KANSL1L: variants seen among roughly 807,000 people sequenced by gnomAD.
The protein encoded by KANSL1L is KAT8 regulatory NSL complex subunit 1-like protein.
A neutral mutation model predicts 108.6 loss-of-function variants in KANSL1L; 25 were observed. The observed-to-expected ratio is 0.23, with a 90% CI of 0.17 to 0.32. The LOEUF is 0.32. KANSL1L is among the 10% of genes least tolerant of loss of function. KANSL1L has a pLI of 1.00. For synonymous variants in KANSL1L, 405 were observed against 395.1 expected, an observed-to-expected ratio of 1.03 and a Z score of -0.30; for missense variants, 1,137 against 1,125.7, an observed-to-expected ratio of 1.01 and a Z score of -0.14.
chr2:210,119,852 A>G (rs2094997281), intron 3 of KANSL1L, among the ~76,000 whole-genome samples: 1 of 152,180 alleles, frequency 6.6e-6, no homozygotes, highest in Non-Finnish European at 1.5e-5. Context: ...AAGAAATAGA[A>G]GGCAACCCTG....
chr2:210,063,214 A>T (rs2094436861), intron 6 of KANSL1L, among the ~76,000 whole-genome samples: 1 of 152,258 alleles, frequency 6.6e-6, no homozygotes, highest in South Asian at 2.1e-4. Flanking sequence ...GCAAGTGCAT[A>T]GAAGTCAAGA....
chr2:210,107,510 C>CAAAAA (rs142353453), intron 3 of KANSL1L, among the ~76,000 whole-genome samples: 52 of 122,942 alleles, frequency 4.2e-4, no homozygotes, highest in South Asian at 1.3e-3. Flanking sequence ...TTCTTCTCCT[C>CAAAAA]AAAAAAAAAA....
In KANSL1L at chr2:210,117,679, C is replaced by A. The variant is rs555435188; in HGVS notation, c.1230+11352G>T. Among the ~76,000 whole-genome samples, 3 of 150,558 alleles carry A rather than the reference C, an allele frequency of 2.0e-5. No individual in the cohort carries two copies. In the East Asian group the frequency reaches 5.8e-4, roughly 29 times the overall value. ...CCTTCAAGATGAACTTTTCACTAGA[C>A]TAAGAAAAAAAACAGGGAAGATTCA... On this transcript the variant is annotated intron_variant, in intron 3 of 14. Transcript: ENST00000281772.
At chr2:210,096,086 A>G (rs2094733183) in intron 5 of KANSL1L, among the ~76,000 whole-genome samples, 1 of 152,172 alleles carries the variant, frequency 6.6e-6, no homozygotes, top group African/African-American at 2.4e-5. Context: ...AACCTTTTCA[A>G]TTAGGTTGTA....
chr2:210,037,725 C>T (rs2094122496), intron 8 of KANSL1L, among the ~76,000 whole-genome samples: 2 of 152,148 alleles, frequency 1.3e-5, no homozygotes, highest in Non-Finnish European at 2.9e-5. Flanking sequence ...CCAGACATGT[C>T]TTTTCATCTA....
At chr2:210,100,116 T>C (rs2094779154) in intron 4 of KANSL1L, among the ~76,000 whole-genome samples, 1 of 152,154 alleles carries the variant, frequency 6.6e-6, no homozygotes. Context: ...AATTACCACC[T>C]GAGCTCCGCC....
At chr2:210,096,454 C>T (rs2094736811) in intron 5 of KANSL1L, 2 of 975,892 alleles carry the variant, frequency 2.0e-6, no homozygotes, top group African/African-American at 3.5e-5. Flanking sequence ...GCAATCAATG[C>T]TTTGCAAATG....
chr2:210,108,903 C>T (rs2094877262), intron 3 of KANSL1L, among the ~76,000 whole-genome samples: 2 of 152,196 alleles, frequency 1.3e-5, no homozygotes, highest in Non-Finnish European at 2.9e-5. Context: ...TACTTCATCA[C>T]TTCCTAGCTT....
intron 10 of KANSL1L, chr2:210,029,211 T>A (rs892434136): frequency 1.4e-5 from 5 of 358,280 alleles, no homozygotes; most frequent in Non-Finnish European, 2.0e-5. Flanking sequence ...GCATACAAGC[T>A]TATTTTTAAG....
In KANSL1L at chr2:210,153,803, C is replaced by T. The variant is rs1381643033; in HGVS notation, c.780G>A (p.Gln260=). 5.6e-6 allele frequency: 9 copies of T among 1,613,342 alleles called. No individual in the cohort carries two copies. The highest frequency in any genetic ancestry group is 6.8e-6 in the Non-Finnish European group (8 of 1,179,830). The change falls in exon 2 of 15, where the codon CAG becomes CAA. Residue 260 remains glutamine, a synonymous_variant. Transcript: ENST00000281772. ...GTTGATGTTTCATAGACAATTTCAT[C>T]TGCTGACCATAGTGCTTAACAACAT... The part of the protein sequence containing the change: ...AKHVVKHYGQ[Q]MKLSMKHQLP...
rs548266840 is a variant in KANSL1L, at chr2:210,110,164, C to G, written c.1231-5863G>C. Among the ~76,000 whole-genome samples, 8 of 152,290 alleles carry G rather than the reference C, an allele frequency of 5.3e-5. No homozygotes were observed. In the South Asian group the frequency reaches 1.0e-3, roughly 20 times the overall value. On this transcript the variant is annotated intron_variant, in intron 3 of 14. Coordinates refer to ENST00000281772, the MANE Select transcript of KANSL1L (RefSeq NM_152519.4). ...TATACCTACCTACATACTCCTTTCTCCCGTTCCTCTTTCTCTGCTTCCTTG... is the reference window on the plus strand; with the variant it reads ...TATACCTACCTACATACTCCTTTCTGCCGTTCCTCTTTCTCTGCTTCCTTG...
At chr2:210,153,286 G>A (rs185228251) in intron 2 of KANSL1L, 61 of 422,486 alleles carry the variant, frequency 1.4e-4, no homozygotes, top group African/African-American at 9.2e-4. Context: ...CCCGGGAGGC[G>A]GAGGTTGCAG....
At chr2:210,067,716 C>CAAAAAAAAAAAAAAAA (rs569072484) in intron 6 of KANSL1L, among the ~76,000 whole-genome samples, 7 of 92,924 alleles carry the variant, frequency 7.5e-5, no homozygotes, top group African/African-American at 2.8e-4. Flanking sequence ...ACCCTGTCTC[C>CAAAAAAAAAAAAAAAA]AAAAAAAAAA....
rs527459277 is a variant in KANSL1L, at chr2:210,100,128, C to T, written c.1429-1921G>A. On this transcript the variant is annotated intron_variant, in intron 4 of 14. Coordinates refer to ENST00000281772, the MANE Select transcript of KANSL1L (RefSeq NM_152519.4). ...AAGAATTACCACCTGAGCTCCGCCT[C>T]CTGTCAGACCACCCACAGCATTAGA... is the stretch of plus-strand genomic sequence containing the variant. Among the ~76,000 whole-genome samples, 3 of 152,246 alleles carry T rather than the reference C, an allele frequency of 2.0e-5. No individual in the cohort carries two copies. In the South Asian group the frequency reaches 6.2e-4, roughly 32 times the overall value.
At chr2:210,034,786 G>A (rs1169050098) in intron 8 of KANSL1L, among the ~76,000 whole-genome samples, 1 of 152,164 alleles carries the variant, frequency 6.6e-6, no homozygotes, top group Admixed American at 6.5e-5. Context: ...TGAGCTCTAT[G>A]TTTCTGGCTT....
chr2:210,100,404 T>C (rs2094782591), intron 4 of KANSL1L, among the ~76,000 whole-genome samples: 1 of 152,208 alleles, frequency 6.6e-6, no homozygotes, highest in Admixed American at 6.5e-5. Flanking sequence ...CTACATATTA[T>C]CTAACAATGC....
chr2:210,027,326 A>C lies in KANSL1L; in HGVS notation c.2421T>G (p.Pro807=). The change falls in exon 12 of 15, where the codon CCT becomes CCG. Residue 807 remains proline (P), a synonymous_variant. Transcript: ENST00000281772. ...TPSWRMVVLQ[P]LDEYNLGKEE... is the part of the protein sequence containing the mutation. ...CTTTGCCTAAATTATATTCATCCAAAGGCTGAAGAACAACCATCCTCCAGC... is the reference window on the plus strand; with the variant it reads ...CTTTGCCTAAATTATATTCATCCAACGGCTGAAGAACAACCATCCTCCAGC... 1 of 1,612,876 alleles carries C rather than the reference A, an allele frequency of 6.2e-7. No homozygotes were observed. The highest frequency in any genetic ancestry group is 8.5e-7 in the Non-Finnish European group (1 of 1,178,966).
chr2:210,085,735 TAAGCATG>T (rs1414886545), intron 5 of KANSL1L, among the ~76,000 whole-genome samples: 1 of 151,758 alleles, frequency 6.6e-6, no homozygotes, highest in Non-Finnish European at 1.5e-5. Context: ...TATTTCAATA[TAAGCATG>T]TTTCCATATG....
At chr2:210,034,497 A>C (rs940023781) in intron 8 of KANSL1L, among the ~76,000 whole-genome samples, 7 of 152,220 alleles carry the variant, frequency 4.6e-5, no homozygotes, top group African/African-American at 1.7e-4. Context: ...CAGCCTATGT[A>C]GATAGGGCTT....
Sources: gnomAD v4.1 joint callset for allele counts (sites outside exome capture counted in the v4.1 genomes callset) on GRCh38, gnomAD v4.1.1 for gene constraint, MANE v1.5 for transcripts, NCBI Gene and HGNC (gene_info 2026-07-23, HGNC 2026-07-21) for gene names.